DCBLD2: variants seen among roughly 807,000 people sequenced by gnomAD.
The protein encoded by DCBLD2 is discoidin, CUB and LCCL domain-containing protein 2.
A neutral mutation model predicts 86.8 loss-of-function variants in DCBLD2; 54 were observed. The ratio of observed to expected loss-of-function variants is 0.62; its 90% CI spans 0.50 to 0.78. DCBLD2 has a LOEUF of 0.78. DCBLD2 is among the 30% of genes least tolerant of loss of function. The probability of loss-of-function intolerance (pLI) is 0.00; values close to 1 mark genes in which losing one functional copy is unlikely to be tolerated. For missense variants in DCBLD2, 908 were observed against 954.2 expected, an observed-to-expected ratio of 0.95 and a Z score of 0.64; for synonymous variants, 354 against 341.3, an observed-to-expected ratio of 1.04 and a Z score of -0.41.
chr3:98,865,944 G>A (rs946630475), intron 2 of DCBLD2, among the ~76,000 whole-genome samples: 31 of 144,904 alleles, frequency 2.1e-4, no homozygotes, highest in Non-Finnish European at 3.3e-4. Flanking sequence ...CCACCTATGA[G>A]TGAGAACATG....
intron 3 of DCBLD2, among the ~76,000 whole-genome samples, chr3:98,839,436 C>A (rs1942579732): frequency 6.6e-6 from 1 of 151,986 alleles, no homozygotes; most frequent in Non-Finnish European, 1.5e-5. Flanking sequence ...CTTGGCCAAC[C>A]CCCCTGAATT....
chr3:98,800,700 C>A lies in DCBLD2; in HGVS notation c.1737G>T (p.Met579Ile). 12 of 1,613,930 alleles carry A rather than the reference C, an allele frequency of 7.4e-6. No homozygotes were observed. The highest frequency in any genetic ancestry group is 9.3e-6 in the Non-Finnish European group (11 of 1,179,860). ...CTGCTTTTGCAGGAAGAAACTGCTT[C>A]ATTCCTTTCCACCAACCTTCATTGT... ...YWDRAGWWKG[M>I]KQFLPAKAVD... is the part of the protein sequence containing the mutation. Residue 579 changes from methionine (M) to isoleucine (I), a missense_variant, in exon 15 of 16, where the codon ATG becomes ATT. Around this residue, in one of 3 missense-constraint regions of DCBLD2, gnomAD observed 606 missense variants for 678.5 expected, o/e 0.89. Coordinates refer to ENST00000326840, the MANE Select transcript of DCBLD2 (RefSeq NM_080927.4).
chr3:98,835,520 A>G (rs1164972906), intron 3 of DCBLD2, among the ~76,000 whole-genome samples: 3 of 142,968 alleles, frequency 2.1e-5, no homozygotes, highest in African/African-American at 7.8e-5. Flanking sequence ...TCACTTATCC[A>G]TCCTCTCACT....
chr3:98,811,648 A>G, intron 10 of DCBLD2, 94 bp from the exon 11 acceptor site: 2 of 1,154,020 alleles, frequency 1.7e-6, no homozygotes, highest in South Asian at 1.8e-5. Context: ...TTCCTAAAGT[A>G]TTTAATTCTG....
At chr3:98,811,419 C>A (rs375602212) in intron 11 of DCBLD2, 49 bp downstream of exon 11, 243 of 1,611,974 alleles carry the variant, frequency 1.5e-4, no homozygotes, top group Non-Finnish European at 2.0e-4. Flanking sequence ...TGGAAAGTTG[C>A]ACCATAAATC....
chr3:98,868,554 C>T (rs1028924177), intron 2 of DCBLD2, among the ~76,000 whole-genome samples: 1 of 152,038 alleles, frequency 6.6e-6, no homozygotes, highest in African/African-American at 2.4e-5. Context: ...TTAGTGTACC[C>T]ATCACCCAAA....
chr3:98,830,188 G>T (rs749081294), intron 3 of DCBLD2, among the ~76,000 whole-genome samples: 34 of 152,156 alleles, frequency 2.2e-4, no homozygotes, highest in Non-Finnish European at 3.7e-4. Context: ...TCTGTAGGTT[G>T]TCTGTTTACT....
rs112814541 is a variant in DCBLD2 at position 98,888,735 on chromosome 3, A to C, written c.206-6968T>G. Among the ~76,000 whole-genome samples the C allele has an allele frequency of 1.3e-3, 199 of 152,122 alleles. 1 individual carries two copies. The East Asian group carries it at 0.016, about 13-fold the overall frequency. ...ATGGCACATTATTTTAGGAAATTTA[A>C]ATTTATAGCATGCTTTAAAGCTTCT... On this transcript the variant is annotated intron_variant, in intron 1 of 15. Coordinates refer to ENST00000326840, the MANE Select transcript of DCBLD2 (RefSeq NM_080927.4).
intron 2 of DCBLD2, among the ~76,000 whole-genome samples, chr3:98,862,457 G>A (rs1353325333): frequency 6.6e-6 from 1 of 152,194 alleles, no homozygotes; most frequent in Non-Finnish European, 1.5e-5. Flanking sequence ...GAACATCGAT[G>A]CAAAAATCCT....
intron 3 of DCBLD2, among the ~76,000 whole-genome samples, chr3:98,830,344 G>A (rs1336575660): frequency 6.6e-6 from 1 of 152,100 alleles, no homozygotes; most frequent in Non-Finnish European, 1.5e-5. Flanking sequence ...TGCCTACATT[G>A]TCTTCCAGGG....
At chr3:98,862,808 T>C (rs1943069673) in intron 2 of DCBLD2, among the ~76,000 whole-genome samples, 1 of 152,052 alleles carries the variant, frequency 6.6e-6, no homozygotes, top group Admixed American at 6.6e-5. Context: ...TGAAAACTGG[T>C]GCAAAACAGG....
intron 3 of DCBLD2, among the ~76,000 whole-genome samples, chr3:98,830,720 GCTC>G (rs1942305717): frequency 6.6e-6 from 1 of 152,128 alleles, no homozygotes; most frequent in Non-Finnish European, 1.5e-5. Flanking sequence ...GGCTATTTGG[GCTC>G]CTTTTTGTTT....
At chr3:98,826,566 A>C (rs1216838468) in intron 3 of DCBLD2, among the ~76,000 whole-genome samples, 1 of 152,224 alleles carries the variant, frequency 6.6e-6, no homozygotes, top group African/African-American at 2.4e-5. Context: ...GTTAATATGT[A>C]AGCCTGACTT....
intron 2 of DCBLD2, among the ~76,000 whole-genome samples, chr3:98,879,152 G>A (rs1943418285): frequency 6.6e-6 from 1 of 152,102 alleles, no homozygotes; most frequent in Non-Finnish European, 1.5e-5. Flanking sequence ...TTACACAAAA[G>A]TAGAAAGAAG....
rs1037509831 is a variant in DCBLD2 at position 98,798,120 on chromosome 3, G to A, written c.*1252C>T. ...CCAGGAGGTATCAAAAACAAGGCAT[G>A]AATATTCATTTGCTAGTAAGCTATA... is the stretch of plus-strand genomic sequence containing the variant. On this transcript the variant is annotated 3_prime_UTR_variant, in exon 16 of 16. Transcript: ENST00000326840. 6.6e-6 allele frequency: 1 copy of A among 152,190 alleles called. No homozygotes were observed. The highest frequency in any genetic ancestry group is 1.5e-5 in the Non-Finnish European group (1 of 68,048). The allele number at this position is 152,190 out of a possible 1,614,324, so 9.4% of individuals were successfully genotyped here.
intron 6 of DCBLD2, chr3:98,822,014 C>T: frequency 1.6e-6 from 1 of 619,836 alleles, no homozygotes; most frequent in Non-Finnish European, 2.9e-6. Context: ...CCACTGCACT[C>T]CAGCCTGGGC....
At chr3:98,874,539 A>G (rs1019062726) in intron 2 of DCBLD2, among the ~76,000 whole-genome samples, 3 of 152,208 alleles carry the variant, frequency 2.0e-5, no homozygotes, top group Non-Finnish European at 4.4e-5. Flanking sequence ...GTCTTTCTTG[A>G]TAACAACACT....
rs1941932886 is a variant in DCBLD2, at chr3:98,811,239, T to TGGCAA, written c.1530_1531insTTGCC (p.Ser511LeufsTer11). The TGGCAA allele has an allele frequency of 6.2e-7, 1 of 1,611,960 alleles. No homozygotes were observed. Among genetic ancestry groups the TGGCAA allele is most frequent in the African/African-American group, 1.3e-5 (1 of 74,784 alleles). On this transcript the variant is annotated frameshift_variant, in exon 12 of 16. Coordinates refer to ENST00000326840, the MANE Select transcript of DCBLD2 (RefSeq NM_080927.4). LOFTEE classifies it high-confidence loss of function. The stretch of plus-strand genomic sequence containing the variant: ...ACGGTAGTATTTCTGATATCAGGAC[T>TGGCAA]GGCAGTTGTTTGTTCTGTCTGTGCA...
At chr3:98,880,088 T>C (rs1236819386) in intron 2 of DCBLD2, among the ~76,000 whole-genome samples, 1 of 152,230 alleles carries the variant, frequency 6.6e-6, no homozygotes, top group African/African-American at 2.4e-5. Context: ...ACACCATATA[T>C]TCATGCAATA....
Sources: gnomAD v4.1 joint callset for allele counts (sites outside exome capture counted in the v4.1 genomes callset) on GRCh38, gnomAD v4.1.1 for gene constraint, gnomAD v4.1.1 regional missense constraint, MANE v1.5 for transcripts, NCBI Gene and HGNC (gene_info 2026-07-23, HGNC 2026-07-21) for gene names.